The following INSR variants were observed in gnomAD, a reference collection of about 807,000 sequenced individuals.
INSR encodes the protein IR.
Under a neutral mutation model 142.6 loss-of-function variants are expected in INSR, and 67 were observed. The observed-to-expected ratio is 0.47, with a 90% CI of 0.39 to 0.58. INSR has a LOEUF of 0.58. INSR is among the 20% of genes least tolerant of loss of function. The pLI is 0.00. For synonymous variants in INSR, 756 were observed against 743.1 expected (o/e 1.02, Z -0.28); for missense variants, 1,248 against 1,833.2 (o/e 0.68, Z 5.83).
rs747657283 is a variant in INSR at position 7,172,330 on chromosome 19, G to A, written c.1228C>T (p.Arg410Trp). The stretch of plus-strand genomic sequence containing the variant: ...TCTCCTCGAATCAGACGTAACTTCC[G>A]GAAGAAGGAAAGTGACACCAGAGCG... ...SYALVSLSFFRKLRLIRGETL... is the reference protein window; with the variant it reads ...SYALVSLSFFWKLRLIRGETL... Residue 410 changes from arginine to tryptophan, a missense_variant, in exon 5 of 22, where the codon CGG (arginine) becomes TGG (tryptophan). Physicochemically the swap from Arg to Trp is moderately radical, Grantham distance 101. This residue lies in a region of INSR where 1,069 missense variants were observed against 1,654.0 expected (regional missense o/e 0.65). Coordinates refer to ENST00000302850, the MANE Select transcript of INSR (RefSeq NM_000208.4). 5.6e-6 allele frequency: 9 copies of A among 1,614,104 alleles called. No homozygotes were observed. Among genetic ancestry groups the A allele is most frequent in the East Asian group, 2.2e-5 (1 of 44,882 alleles).
At position 7,125,490 on chromosome 19, in the gene INSR, C is replaced by G; in HGVS notation, c.3051G>C (p.Glu1017Asp). The change falls in exon 17 of 22, where the codon GAG becomes GAC. Residue 1017 changes from glutamate to aspartate, a missense_variant. By Grantham distance (45) the Glu-to-Asp change is conservative (BLOSUM62 2). Transcript: ENST00000302850. The surrounding 1 kb of genome is among the most constrained non-coding windows in gnomAD (Gnocchi z 4.9). ...GGAGGGTGATCTTCTCTCGAGACAC[C>G]TCCCACTCGTCCGGCACGTACACAG... The part of the protein sequence containing the change: ...PCSVYVPDEW[E>D]VSREKITLLR... 1 of 1,614,062 alleles carries G rather than the reference C, an allele frequency of 6.2e-7. No individual in the cohort carries two copies. The highest frequency in any genetic ancestry group is 8.5e-7 in the Non-Finnish European group (1 of 1,180,034).
intron 2 of INSR, among the ~76,000 whole-genome samples, chr19:7,197,516 G>GGTGTGTGT (rs552352795): frequency 2.7e-4 from 19 of 70,924 alleles, no homozygotes; most frequent in African/African-American, 1.0e-3. Flanking sequence ...TGGGAGTGGG[G>GGTGTGTGT]GTGTGTGTGT....
rs1392711637 is a variant in INSR at position 7,174,666 on chromosome 19, G to A, written c.1040C>T (p.Thr347Ile). 3.1e-6 allele frequency: 5 copies of A among 1,613,904 alleles called. No homozygotes were observed. The highest frequency in any genetic ancestry group is 1.7e-5 in the Admixed American group (1 of 59,988). Residue 347 changes from threonine (T) to isoleucine (I), a missense_variant, in exon 4 of 22, where the codon ACC becomes ATC. Physicochemically the swap from Thr to Ile is moderately conservative, Grantham distance 89. This residue lies in a region of INSR where 1,069 missense variants were observed against 1,654.0 expected (regional missense o/e 0.65). Transcript: ENST00000302850. The part of the protein sequence containing the change: ...KVCHLLEGEK[T>I]IDSVTSAQEL... ...CTGGGCAGACGTCACCGAGTCGATGGTCTTCTCGCCTTCTAGGAGGTGGCA... is the reference window on the plus strand; with the variant it reads ...CTGGGCAGACGTCACCGAGTCGATGATCTTCTCGCCTTCTAGGAGGTGGCA...
intron 2 of INSR, among the ~76,000 whole-genome samples, chr19:7,233,436 T>C (rs778455235): frequency 1.3e-4 from 20 of 152,144 alleles, no homozygotes; most frequent in Non-Finnish European, 2.6e-4. Context: ...TGGCATGTGC[T>C]AGGTAGGGGG....
chr19:7,149,037 G>A (rs1973254784), intron 11 of INSR, among the ~76,000 whole-genome samples: 1 of 152,128 alleles, frequency 6.6e-6, no homozygotes, highest in African/African-American at 2.4e-5. Context: ...TCAAGTGATT[G>A]CCCCGCCTGG....
At chr19:7,239,825 G>GA (rs1568211344) in intron 2 of INSR, among the ~76,000 whole-genome samples, 18 of 57,920 alleles carry the variant, frequency 3.1e-4, no homozygotes, top group Admixed American at 1.7e-3. Context: ...GTGGCTGAGA[G>GA]GAAAAAAAAA....
In INSR at chr19:7,293,867, C is replaced by G. The variant is rs1417610197; in HGVS notation, c.25G>C (p.Ala9Pro). ...GCCACCAGCAGCGGCGCGGCCGCCG[C>G]CCCCCGCCGGCCCCCGGTGGCCATG... is the stretch of plus-strand genomic sequence containing the variant. MATGGRRG[A>P]AAAPLLVAVA... Residue 9 changes from alanine (A) to proline (P), a missense_variant, in exon 1 of 22, where the codon GCG (alanine) becomes CCG (proline). Ala to Pro is a conservative substitution (Grantham distance 27). Coordinates refer to ENST00000302850, the MANE Select transcript of INSR (RefSeq NM_000208.4). The G allele has an allele frequency of 4.2e-5, 52 of 1,240,600 alleles. No individual in the cohort carries two copies. The highest frequency in any genetic ancestry group is 5.0e-5 in the Non-Finnish European group (50 of 998,432). 76.8% of individuals were successfully genotyped at this position (1,240,600 alleles called of 1,614,324 possible).
At position 7,226,728 on chromosome 19, in the gene INSR, CAAAAA is replaced by C. The variant is rs71177177; in HGVS notation, c.652+40612_652+40616del. On this transcript the variant is annotated intron_variant, in intron 2 of 21. Transcript: ENST00000302850. ...GGGCAACAGAGCCAGACCCTGTTTC[CAAAAA>C]AAAAAAAAAAATGCCTGAAGGAGGA... Among the ~76,000 whole-genome samples the C allele has an allele frequency of 1.2e-4, 14 of 112,874 alleles. No individual in the cohort carries two copies. The East Asian group carries it at 2.0e-3, about 16-fold the overall frequency. 74.0% of individuals were successfully genotyped at this position (112,874 alleles called of 152,430 possible).
chr19:7,264,092 C>G (rs908800233), intron 2 of INSR, among the ~76,000 whole-genome samples: 2 of 151,706 alleles, frequency 1.3e-5, no homozygotes, highest in Admixed American at 1.3e-4. Context: ...TCGCTTGAAG[C>G]CAGGAGGCAG....
chr19:7,225,618 T>C lies in INSR; in HGVS notation c.653-40981A>G, dbSNP rs1019180445. The stretch of plus-strand genomic sequence containing the variant: ...TCCAGATTCCTTGGTCCCCCAAGTC[T>C]AGGGACGTGGTTTTTGTCGGTAGCA... On this transcript the variant is annotated intron_variant, in intron 2 of 21. Transcript: ENST00000302850. This position sits in a 1 kb window ranked among gnomAD's most constrained non-coding sequence, Gnocchi z 4.7. Among the ~76,000 whole-genome samples the C allele has an allele frequency of 2.0e-5, 3 of 152,170 alleles. No individual in the cohort carries two copies. Among genetic ancestry groups the C allele is most frequent in the African/African-American group, 7.2e-5 (3 of 41,436 alleles).
At chr19:7,215,763 T>G (rs1975414238) in intron 2 of INSR, among the ~76,000 whole-genome samples, 1 of 151,492 alleles carries the variant, frequency 6.6e-6, no homozygotes, top group Admixed American at 6.6e-5. Flanking sequence ...GAGACAGGGT[T>G]TTACCATGTT....
chr19:7,268,768 C>A (rs1259270644), intron 1 of INSR, among the ~76,000 whole-genome samples: 2 of 144,142 alleles, frequency 1.4e-5, no homozygotes, highest in Non-Finnish European at 3.2e-5. Flanking sequence ...TTGTTTATTC[C>A]CCCAAACATA....
intron 8 of INSR, among the ~76,000 whole-genome samples, chr19:7,165,440 G>T (rs1460496189): frequency 6.6e-6 from 1 of 152,014 alleles, no homozygotes; most frequent in Non-Finnish European, 1.5e-5. Context: ...CTAACTATGG[G>T]GTTTTGTTCT....
At chr19:7,215,131 T>G (rs1975394753) in intron 2 of INSR, among the ~76,000 whole-genome samples, 1 of 152,000 alleles carries the variant, frequency 6.6e-6, no homozygotes, top group Non-Finnish European at 1.5e-5. Context: ...AAATTTTTAT[T>G]TTTTGTAGAC....
chr19:7,245,616 T>C (rs890458434), intron 2 of INSR, among the ~76,000 whole-genome samples: 1 of 152,060 alleles, frequency 6.6e-6, no homozygotes, highest in Non-Finnish European at 1.5e-5. Flanking sequence ...GCCCGGCTAA[T>C]TTTTGTATTT....
At chr19:7,170,165 G>T (rs1324407006) in intron 6 of INSR, among the ~76,000 whole-genome samples, 1 of 152,068 alleles carries the variant, frequency 6.6e-6, no homozygotes, top group African/African-American at 2.4e-5. Context: ...CCTCCTGTCA[G>T]ATTAGCGGCG....
At chr19:7,151,534 C>T (rs773669967) in intron 10 of INSR, among the ~76,000 whole-genome samples, 2 of 151,132 alleles carry the variant, frequency 1.3e-5, no homozygotes, top group Non-Finnish European at 2.9e-5. Flanking sequence ...GATTCTCCCA[C>T]TTCGGCCTCC....
intron 2 of INSR, among the ~76,000 whole-genome samples, chr19:7,264,163 C>T (rs557548914): frequency 7.0e-4 from 89 of 127,446 alleles, no homozygotes; most frequent in Non-Finnish European, 1.0e-3. Context: ...AAGCGAAACT[C>T]CATCTCAAAA....
At chr19:7,204,443 C>CG (rs1323595027) in intron 2 of INSR, among the ~76,000 whole-genome samples, 2 of 152,184 alleles carry the variant, frequency 1.3e-5, no homozygotes, top group Admixed American at 6.6e-5. Flanking sequence ...CTCGTTTTCC[C>CG]GGGGGGCCAC....
Sources: allele counts gnomAD v4.1 joint callset (sites outside exome capture counted in the v4.1 genomes callset), GRCh38; gene constraint gnomAD v4.1.1; regional missense constraint gnomAD v4.1.1; non-coding constraint Gnocchi (gnomAD v3.1); transcripts MANE v1.5; gene names NCBI Gene and HGNC (gene_info 2026-07-23, HGNC 2026-07-21).